CTNND2: variants seen among roughly 807,000 people sequenced by gnomAD.
The protein encoded by CTNND2 is catenin delta 2.
In CTNND2, 22 loss-of-function variants were observed where a neutral mutation model predicts 144.4. The ratio of observed to expected loss-of-function variants is 0.15; its 90% confidence interval spans 0.11 to 0.22. The LOEUF is 0.22. CTNND2 is among the 10% of genes least tolerant of loss of function. CTNND2 has a pLI of 1.00. For missense variants in CTNND2, 1,353 were observed against 1,618.8 expected (o/e 0.84, Z 2.82); for synonymous variants, 751 against 695.6 (o/e 1.08, Z -1.25).
At chr5:11,552,460 CT>C (rs1775845321) in intron 3 of CTNND2, among the ~76,000 whole-genome samples, 1 of 152,144 alleles carries the variant, frequency 6.6e-6, no homozygotes, top group Non-Finnish European at 1.5e-5. Context: ...CTTGAAAGTA[CT>C]AAATCTCATT....
At chr5:11,695,894 A>T (rs1006657967) in intron 2 of CTNND2, among the ~76,000 whole-genome samples, 1 of 152,260 alleles carries the variant, frequency 6.6e-6, no homozygotes, top group Non-Finnish European at 1.5e-5. Flanking sequence ...ACTTAACTAT[A>T]TAATGAGTAT....
At chr5:11,612,993 T>C (rs1417966162) in intron 2 of CTNND2, among the ~76,000 whole-genome samples, 1 of 152,204 alleles carries the variant, frequency 6.6e-6, no homozygotes, top group Non-Finnish European at 1.5e-5. Context: ...TTTCCATAAT[T>C]AATAGAGTCG....
At chr5:11,214,114 T>C (rs1738929503) in intron 10 of CTNND2, among the ~76,000 whole-genome samples, 1 of 152,204 alleles carries the variant, frequency 6.6e-6, no homozygotes, top group Admixed American at 6.5e-5. Flanking sequence ...GTTATTTCTT[T>C]AATAATTTCT....
chr5:11,296,239 C>T lies in CTNND2; in HGVS notation c.1628+50133G>A, dbSNP rs531950287. On this transcript the variant is annotated intron_variant, in intron 9 of 21. Transcript: ENST00000304623. ...CAAAAAACACATGAAAAAATGCTCA[C>T]CATCACTGGCCATCAGAGAAATGCA... is the stretch of plus-strand genomic sequence containing the variant. 2.2e-3 allele frequency among the ~76,000 whole-genome samples: 341 copies of T among 151,934 alleles called. 1 individual carries two copies. Among genetic ancestry groups the T allele is most frequent in the African/African-American group, 4.1e-3 (171 of 41,410 alleles).
At chr5:10,976,202 C>T (rs913591916) in intron 21 of CTNND2, among the ~76,000 whole-genome samples, 2 of 105,760 alleles carry the variant, frequency 1.9e-5, no homozygotes, top group South Asian at 2.7e-4. Context: ...GTGGTATGGA[C>T]GTCTTGTGGT....
At chr5:11,295,880 C>G (rs954378233) in intron 9 of CTNND2, among the ~76,000 whole-genome samples, 1 of 149,984 alleles carries the variant, frequency 6.7e-6, no homozygotes, top group Admixed American at 6.6e-5. Flanking sequence ...CATAAAAACC[C>G]TAGAAGAAAA....
chr5:11,320,715 A>G (rs549531790), intron 9 of CTNND2, among the ~76,000 whole-genome samples: 2 of 152,284 alleles, frequency 1.3e-5, no homozygotes, highest in South Asian at 2.1e-4. Context: ...TCATGAGAAC[A>G]GCATGGGAAA....
intron 2 of CTNND2, among the ~76,000 whole-genome samples, chr5:11,730,103 CT>C (rs1301489684): frequency 6.6e-6 from 1 of 152,106 alleles, no homozygotes; most frequent in Non-Finnish European, 1.5e-5. Context: ...CATATTTTCT[CT>C]TGGACTATTT....
chr5:11,494,538 G>C (rs1391949487), intron 3 of CTNND2, among the ~76,000 whole-genome samples: 1 of 152,076 alleles, frequency 6.6e-6, no homozygotes, highest in African/African-American at 2.4e-5. Flanking sequence ...CCTTTTGGTT[G>C]AACTCCCCTG....
intron 9 of CTNND2, among the ~76,000 whole-genome samples, chr5:11,269,119 G>A (rs1745747330): frequency 6.6e-6 from 1 of 152,186 alleles, no homozygotes; most frequent in South Asian, 2.1e-4. Flanking sequence ...GAGACTGTGG[G>A]CAAGCTACAT....
intron 3 of CTNND2, among the ~76,000 whole-genome samples, chr5:11,470,087 CT>C (rs1767037088): frequency 6.6e-6 from 1 of 152,162 alleles, no homozygotes; most frequent in Non-Finnish European, 1.5e-5. Context: ...CTCTCGCCCC[CT>C]CCTTCTTTAT....
intron 16 of CTNND2, among the ~76,000 whole-genome samples, chr5:11,024,234 T>A (rs375868748): frequency 9.2e-5 from 14 of 152,196 alleles, no homozygotes; most frequent in East Asian, 3.8e-4. Flanking sequence ...TTATCCTATG[T>A]TTAGGTGGCT....
chr5:11,325,082 G>C (rs1463493118), intron 9 of CTNND2, among the ~76,000 whole-genome samples: 2 of 151,958 alleles, frequency 1.3e-5, no homozygotes, highest in Non-Finnish European at 2.9e-5. Context: ...TTGTTTCTGA[G>C]AAACTGGTTC....
chr5:11,512,038 A>T (rs538840560), intron 3 of CTNND2, among the ~76,000 whole-genome samples: 14 of 152,314 alleles, frequency 9.2e-5, no homozygotes, highest in Middle Eastern at 3.4e-3. Context: ...ATTCGAATTC[A>T]TTCAAACAGA....
intron 1 of CTNND2, among the ~76,000 whole-genome samples, chr5:11,754,764 T>G (rs1403797741): frequency 2.0e-5 from 3 of 151,822 alleles, no homozygotes; most frequent in Admixed American, 2.0e-4. Context: ...TGTCTGAAAT[T>G]AGAATAGCAG....
chr5:11,176,458 C>G (rs780626609), intron 11 of CTNND2, among the ~76,000 whole-genome samples: 5 of 152,120 alleles, frequency 3.3e-5, no homozygotes, highest in Non-Finnish European at 7.3e-5. Context: ...ATGGCAAACT[C>G]TTGTCTCTGT....
In CTNND2 at chr5:10,997,706, A is replaced by G. The variant is rs1370815420; in HGVS notation, c.3085-5029T>C. Reference sequence around the variant, plus strand: ...ATCATTTTATGTTTGTCTCATTGCAATGTAGAAGGTGTGCTTTGGGATTCC... The same window carrying G: ...ATCATTTTATGTTTGTCTCATTGCAGTGTAGAAGGTGTGCTTTGGGATTCC... On this transcript the variant is annotated intron_variant, in intron 18 of 21. Coordinates refer to ENST00000304623, the MANE Select transcript of CTNND2 (RefSeq NM_001332.4). Among the ~76,000 whole-genome samples, 3 of 152,286 alleles carry G rather than the reference A, an allele frequency of 2.0e-5. No homozygotes were observed. In the South Asian group the frequency reaches 6.2e-4, roughly 32 times the overall value.
intron 2 of CTNND2, among the ~76,000 whole-genome samples, chr5:11,654,105 G>GT (rs1454771216): frequency 6.6e-6 from 1 of 151,870 alleles, no homozygotes; most frequent in Non-Finnish European, 1.5e-5. Context: ...CTTTGTGTCT[G>GT]TTTTTATGCC....
intron 6 of CTNND2, 53 bp downstream of exon 6, chr5:11,396,978 T>G: frequency 6.5e-7 from 1 of 1,533,258 alleles, no homozygotes; most frequent in Non-Finnish European, 8.8e-7. Flanking sequence ...GCATGCCCAT[T>G]CCCCACCTGT....
Sources: allele counts gnomAD v4.1 joint callset (sites outside exome capture counted in the v4.1 genomes callset), GRCh38; gene constraint gnomAD v4.1.1; transcripts MANE v1.5; gene names NCBI Gene and HGNC (gene_info 2026-07-23, HGNC 2026-07-21).